GPALPP1: variants seen among roughly 807,000 people sequenced by gnomAD.
GPALPP1 encodes the protein GPALPP motifs-containing protein 1.
GPALPP1 carries 30 observed loss-of-function variants against 38.9 expected under a neutral mutation model. The observed-to-expected ratio is 0.77, with a 90% CI of 0.58 to 1.05. GPALPP1 has a LOEUF of 1.05. Among genes scored for constraint, GPALPP1 ranks in the 50% least tolerant of loss-of-function variants. The probability of loss-of-function intolerance (pLI) is 0.00; values close to 1 mark genes in which losing one functional copy is unlikely to be tolerated. For synonymous variants in GPALPP1, 120 were observed against 139.2 expected, an observed-to-expected ratio of 0.86 and a Z score of 0.97; for missense variants, 384 against 408.8, an observed-to-expected ratio of 0.94 and a Z score of 0.52.
At chr13:44,990,906 A>G (rs1026643303) in intron 1 of GPALPP1, among the ~76,000 whole-genome samples, 18 of 152,242 alleles carry the variant, frequency 1.2e-4, no homozygotes, top group South Asian at 8.3e-4. Context: ...CCTGGCCAAC[A>G]TGTTGAAACC....
intron 7 of GPALPP1, among the ~76,000 whole-genome samples, chr13:45,022,189 C>T (rs1875477826): frequency 6.6e-6 from 1 of 152,032 alleles, no homozygotes; most frequent in Admixed American, 6.6e-5. Flanking sequence ...AGAAATCTTA[C>T]ACAAGCAAGT....
chr13:45,005,682 A>G (rs949863999), intron 2 of GPALPP1, among the ~76,000 whole-genome samples: 8 of 152,226 alleles, frequency 5.3e-5, no homozygotes, highest in African/African-American at 1.9e-4. Context: ...AGAAATAACC[A>G]ATCTGTATTT....
At chr13:45,011,844 G>A (rs936050849) in intron 4 of GPALPP1, among the ~76,000 whole-genome samples, 9 of 152,248 alleles carry the variant, frequency 5.9e-5, no homozygotes, top group East Asian at 1.9e-4. Flanking sequence ...TAACAAGGGC[G>A]TTGAAGAAAA....
At chr13:45,032,685 C>G (rs954749946), downstream of GPALPP1, among the ~76,000 whole-genome samples, 1 of 149,968 alleles carries the variant, frequency 6.7e-6, no homozygotes, top group Admixed American at 6.6e-5. Flanking sequence ...GGATTACAGG[C>G]GTGAGCCACC....
At chr13:45,000,276 A>G (rs1873577401) in intron 1 of GPALPP1, among the ~76,000 whole-genome samples, 1 of 152,132 alleles carries the variant, frequency 6.6e-6, no homozygotes, top group African/African-American at 2.4e-5. Flanking sequence ...AATAAAATTT[A>G]AAAATTATCT....
Position 45,028,755 on chromosome 13 carries a change from C to A in GPALPP1, c.*752C>A, listed in dbSNP as rs1876020294. ...TGGGCAACAAAGTGAGACCTCGTCT[C>A]TTTAGAAAAAAAAAAAGAGGCCAGT... On this transcript the variant is annotated 3_prime_UTR_variant, in exon 8 of 8. Transcript: ENST00000379151. 1 of 146,264 alleles carries A rather than the reference C, an allele frequency of 6.8e-6. No individual in the cohort carries two copies. 9.1% of individuals were successfully genotyped at this position (146,264 alleles called of 1,614,324 possible).
At chr13:44,993,826 T>A (rs926279145) in intron 1 of GPALPP1, among the ~76,000 whole-genome samples, 2 of 151,828 alleles carry the variant, frequency 1.3e-5, no homozygotes, top group African/African-American at 4.8e-5. Flanking sequence ...TTTTTTTTTT[T>A]TATAATAGTC....
At chr13:45,003,210 T>C (rs903265076) in intron 1 of GPALPP1, among the ~76,000 whole-genome samples, 1 of 152,200 alleles carries the variant, frequency 6.6e-6, no homozygotes, top group Non-Finnish European at 1.5e-5. Flanking sequence ...CCTCAGTTTC[T>C]CCATATGTAA....
Position 45,020,336 on chromosome 13 carries a change from C to A in GPALPP1, c.712C>A (p.Gln238Lys). The A allele has an allele frequency of 7.2e-7, 1 of 1,390,706 alleles. No homozygotes were observed. The highest frequency in any genetic ancestry group is 1.0e-6 in the Non-Finnish European group (1 of 978,606). The allele number at this position is 1,390,706 out of a possible 1,614,324, so 86.1% of individuals were successfully genotyped here. A position where few individuals can be genotyped will look rare whatever the true frequency, so the allele number is the denominator to read the frequency against. ...ADRERKAKET[Q>K]EARKSSSKKD... is the part of the protein sequence containing the mutation. ...ATCTGTGTTCATTCCTCAGGAAACA[C>A]AAGAAGCAAGGAAGTCATCCAGTAA... The change falls in exon 7 of 8, where the codon CAA (glutamine) becomes AAA (lysine). Residue 238 changes from glutamine (Q) to lysine (K), a missense_variant. Coordinates refer to ENST00000379151, the MANE Select transcript of GPALPP1 (RefSeq NM_018559.5).
rs1873921792 is a variant in GPALPP1, at chr13:45,004,370, G to T, written c.154G>T (p.Asp52Tyr). Reference protein sequence around the residue: ...SSSDSSDSDEDSSSLYEEGNQ... With the variant: ...SSSDSSDSDEYSSSLYEEGNQ... ...TTCAGATTCATCAGACAGCGATGAA[G>T]ACAGTAGTTCTTTGTACGAAGAAGG... Residue 52 changes from aspartate to tyrosine, a missense_variant, in exon 2 of 8, where the codon GAC (aspartate) becomes TAC (tyrosine). Coordinates refer to ENST00000379151, the MANE Select transcript of GPALPP1 (RefSeq NM_018559.5). 6.2e-7 allele frequency: 1 copy of T among 1,602,474 alleles called. No individual in the cohort carries two copies. Among genetic ancestry groups the T allele is most frequent in the African/African-American group, 1.3e-5 (1 of 74,846 alleles).
Position 45,015,042 on chromosome 13 carries a change from A to G in GPALPP1, c.499A>G (p.Arg167Gly). The G allele has an allele frequency of 1.2e-6, 2 of 1,607,240 alleles. No individual in the cohort carries two copies. The highest frequency in any genetic ancestry group is 1.7e-6 in the Non-Finnish European group (2 of 1,174,820). ...NYNVTTEFEK[R>G]AQRMKEKLTK... ...TAATGTAACGACAGAGTTTGAAAAAAGGGCCCAGAGAATGAAAGAAAAACT... is the reference window on the plus strand; with the variant it reads ...TAATGTAACGACAGAGTTTGAAAAAGGGGCCCAGAGAATGAAAGAAAAACT... Residue 167 changes from arginine to glycine, a missense_variant, in exon 5 of 8, where the codon AGG becomes GGG. Transcript: ENST00000379151.
Position 45,019,026 on chromosome 13 carries a change from A to AAT in GPALPP1, c.706-1298_706-1297dup, listed in dbSNP as rs1419390546. 6.7e-3 allele frequency among the ~76,000 whole-genome samples: 128 copies of AAT among 18,980 alleles called. 1 individual carries two copies. Among genetic ancestry groups the AAT allele is most frequent in the East Asian group, 0.019 (10 of 524 alleles). 12.5% of individuals were successfully genotyped at this position (18,980 alleles called of 152,430 possible). A position where few individuals can be genotyped will look rare whatever the true frequency, so the allele number is the denominator to read the frequency against. ...ACATATAAATATATATACACATATA[A>AAT]ATATATACATAGAAATATATAAATA... On this transcript the variant is annotated intron_variant, in intron 6 of 7. Coordinates refer to ENST00000379151, the MANE Select transcript of GPALPP1 (RefSeq NM_018559.5).
At chr13:45,017,728 C>T (rs1220395614) in intron 6 of GPALPP1, among the ~76,000 whole-genome samples, 2 of 152,170 alleles carry the variant, frequency 1.3e-5, no homozygotes, top group Non-Finnish European at 2.9e-5. Flanking sequence ...ATTGTTTGAA[C>T]TTAAGAGATT....
intron 7 of GPALPP1, among the ~76,000 whole-genome samples, chr13:45,025,497 T>C (rs1875768284): frequency 6.6e-6 from 1 of 152,178 alleles, no homozygotes; most frequent in South Asian, 2.1e-4. Flanking sequence ...AAATGCTCAA[T>C]ATATCTAACA....
chr13:45,023,493 A>G (rs767863794), intron 7 of GPALPP1, among the ~76,000 whole-genome samples: 7 of 152,072 alleles, frequency 4.6e-5, no homozygotes, highest in Non-Finnish European at 2.9e-5. Context: ...TTATTTCTCC[A>G]TTTTTGTTTG....
At position 45,015,544 on chromosome 13, in the gene GPALPP1, G is replaced by A; in HGVS notation, c.653G>A (p.Gly218Glu). The A allele has an allele frequency of 6.3e-7, 1 of 1,599,942 alleles. No individual in the cohort carries two copies. The highest frequency in any genetic ancestry group is 8.5e-7 in the Non-Finnish European group (1 of 1,173,404). The change falls in exon 6 of 8, where the codon GGA becomes GAA. Residue 218 changes from glycine to glutamate, a missense_variant. Gly to Glu is a moderately conservative substitution (Grantham distance 98). Coordinates refer to ENST00000379151, the MANE Select transcript of GPALPP1 (RefSeq NM_018559.5). ...AAGAGAAGAGCTGATGACACATCTG[G>A]AGATCGATCAATCTGGACAGATACT... The part of the protein sequence containing the change: ...TFKRRADDTS[G>E]DRSIWTDTPA...
intron 1 of GPALPP1, among the ~76,000 whole-genome samples, chr13:44,994,605 T>G (rs903665112): frequency 5.9e-5 from 9 of 152,322 alleles, no homozygotes; most frequent in Non-Finnish European, 1.2e-4. Flanking sequence ...TCCCTTAGTT[T>G]CGTTCGTTTT....
intron 4 of GPALPP1, among the ~76,000 whole-genome samples, chr13:45,013,711 A>G (rs1269029709): frequency 6.6e-6 from 1 of 152,226 alleles, no homozygotes; most frequent in African/African-American, 2.4e-5. Context: ...TATAATTTCC[A>G]TGCCAAAGAC....
chr13:45,034,021 C>T (rs527605111), downstream of GPALPP1: 5 of 152,296 alleles, frequency 3.3e-5, no homozygotes, highest in South Asian at 1.0e-3. Flanking sequence ...TTTGCAACAT[C>T]AAAGCTAAGC....
Sources: gnomAD v4.1 joint callset for allele counts (sites outside exome capture counted in the v4.1 genomes callset) on GRCh38, gnomAD v4.1.1 for gene constraint, MANE v1.5 for transcripts, NCBI Gene and HGNC (gene_info 2026-07-23, HGNC 2026-07-21) for gene names.